Variants in WDR62 observed in about 807,000 individuals in gnomAD.
The protein encoded by WDR62 is WD repeat domain 62.
A neutral mutation model predicts 160.6 loss-of-function variants in WDR62; 112 were observed. That is an observed-to-expected ratio of 0.70 (90% CI 0.60 to 0.82). WDR62 has a LOEUF of 0.82. WDR62 is among the 40% of genes least tolerant of loss of function. The pLI is 0.00. For missense variants in WDR62, 1,819 were observed against 1,983.8 expected, an observed-to-expected ratio of 0.92 and a Z score of 1.58; for synonymous variants, 792 against 815.1, an observed-to-expected ratio of 0.97 and a Z score of 0.48.
chr19:36,066,848 A>G (rs1289495392), intron 5 of WDR62, among the ~76,000 whole-genome samples: 1 of 152,190 alleles, frequency 6.6e-6, no homozygotes, highest in Non-Finnish European at 1.5e-5. Context: ...CCTTGAGCAC[A>G]TGACATCTCC....
At chr19:36,096,104 T>C (rs918273104) in intron 20 of WDR62, among the ~76,000 whole-genome samples, 4 of 152,216 alleles carry the variant, frequency 2.6e-5, no homozygotes, top group Non-Finnish European at 5.9e-5. Context: ...AAAGTTGTTT[T>C]ATTATTTTAT....
intron 9 of WDR62, 56 bp downstream of exon 9, chr19:36,073,587 G>C: frequency 7.1e-6 from 10 of 1,403,694 alleles, no homozygotes; most frequent in Non-Finnish European, 9.8e-6. Context: ...GTTCCCCACA[G>C]TTTGGGAACC....
At chr19:36,059,828 A>T in intron 2 of WDR62, 140 bp from the exon 3 acceptor site, 2 of 846,396 alleles carry the variant, frequency 2.4e-6, no homozygotes, top group Non-Finnish European at 4.1e-6. Flanking sequence ...CAGCGTAAAC[A>T]CCTGGAGGAG....
the WDR62 span, among the ~76,000 whole-genome samples, chr19:36,110,457 G>C: frequency 6.6e-6 from 1 of 152,028 alleles, no homozygotes; most frequent in Non-Finnish European, 1.5e-5. Context: ...GGCAACAAGA[G>C]TGAAACTCCG....
At chr19:36,078,262 C>A (rs749292347) in intron 9 of WDR62, among the ~76,000 whole-genome samples, 3 of 151,534 alleles carry the variant, frequency 2.0e-5, no homozygotes, top group Non-Finnish European at 3.0e-5. Context: ...ATTCTTCTGC[C>A]TCAGACTCCT....
In WDR62 at chr19:36,071,552, A is replaced by G; in HGVS notation, c.883-4A>G. The G allele has an allele frequency of 6.2e-7, 1 of 1,614,210 alleles. No homozygotes were observed. Among genetic ancestry groups the G allele is most frequent in the Non-Finnish European group, 8.5e-7 (1 of 1,180,030 alleles). On this transcript the variant is annotated splice_region_variant and splice_polypyrimidine_tract_variant and intron_variant, in intron 7 of 31. Transcript: ENST00000401500. ...ATCCACTGGGGTCCCTTTTGCCCCT[A>G]CAGGTCTCCCTGTCTTCCTGCCTCT... is the stretch of plus-strand genomic sequence containing the variant.
chr19:36,059,806 C>T (rs1437056021), intron 2 of WDR62, among the ~76,000 whole-genome samples, 162 bp from the exon 3 acceptor site: 1 of 152,148 alleles, frequency 6.6e-6, no homozygotes, highest in Non-Finnish European at 1.5e-5. Flanking sequence ...TGTTAAAGTG[C>T]CCTAGAATTC....
intron 24 of WDR62, 96 bp from the exon 25 acceptor site, chr19:36,101,568 C>T (rs1973338168): frequency 1.0e-6 from 1 of 983,130 alleles, no homozygotes; most frequent in South Asian, 1.4e-5. Flanking sequence ...CATCCCTCCT[C>T]CAGATGGGGA....
At chr19:36,098,138 G>A (rs981468860) in intron 21 of WDR62, among the ~76,000 whole-genome samples, 3 of 152,128 alleles carry the variant, frequency 2.0e-5, no homozygotes, top group African/African-American at 7.2e-5. Flanking sequence ...GCATGGTGGT[G>A]CACACCCATA....
intron 5 of WDR62, 91 bp from the exon 6 acceptor site, chr19:36,067,215 G>T: frequency 6.4e-7 from 1 of 1,567,398 alleles, no homozygotes; most frequent in South Asian, 1.1e-5. Context: ...TTGGAGTGGG[G>T]ACGAGCAGGG....
chr19:36,104,443 G>C, intron 30 of WDR62, 75 bp from the exon 31 acceptor site: 1 of 1,575,272 alleles, frequency 6.3e-7, no homozygotes, highest in Non-Finnish European at 8.6e-7. Context: ...ACAGCATGGA[G>C]TCCACCCAGT....
In WDR62 at chr19:36,102,042, G is replaced by C. The variant is rs745433508; in HGVS notation, c.3111G>C (p.Leu1037=). The part of the protein sequence containing the change: ...PGCAGPTEDE[L]SLPEGPSVPS... The stretch of plus-strand genomic sequence containing the variant: ...GCGCAGGTCCCACAGAAGATGAGCT[G>C]TCCCTGCCCGAGGGACCCAGCGTCC... Residue 1037 remains leucine, a synonymous_variant, in exon 26 of 32, where the codon CTG becomes CTC. Transcript: ENST00000401500. 31 of 1,614,032 alleles carry C rather than the reference G, an allele frequency of 1.9e-5. No homozygotes were observed. The highest frequency in any genetic ancestry group is 2.5e-5 in the Non-Finnish European group (29 of 1,180,026).
At chr19:36,086,539 C>A in intron 12 of WDR62, 148 bp from the exon 13 acceptor site, 1 of 968,376 alleles carries the variant, frequency 1.0e-6, no homozygotes, top group South Asian at 1.4e-5. Context: ...AAGGGAGTGG[C>A]CCTTGCCAGG....
At chr19:36,106,638 G>T (rs1428820026), downstream of WDR62, among the ~76,000 whole-genome samples, 1 of 152,196 alleles carries the variant, frequency 6.6e-6, no homozygotes, top group Non-Finnish European at 1.5e-5. Context: ...CAGTGCACAG[G>T]CCTGGGGCAG....
intron 4 of WDR62, 46 bp downstream of exon 4, chr19:36,066,061 T>C: frequency 6.2e-7 from 1 of 1,606,734 alleles, no homozygotes; most frequent in Non-Finnish European, 8.5e-7. Context: ...CTGGGGGGTC[T>C]TGGAAGCCAT....
chr19:36,074,834 AG>A (rs1292714205), intron 9 of WDR62, among the ~76,000 whole-genome samples: 9 of 152,208 alleles, frequency 5.9e-5, no homozygotes, highest in Non-Finnish European at 8.8e-5. Context: ...ATAAGGCTAC[AG>A]TCCACATTGA....
At chr19:36,087,543 G>A (rs777148158) in intron 13 of WDR62, among the ~76,000 whole-genome samples, 6 of 151,324 alleles carry the variant, frequency 4.0e-5, no homozygotes, top group Admixed American at 2.6e-4. Context: ...TAGGCCGGGC[G>A]TGGTGGCTCA....
At chr19:36,059,171 T>C in intron 2 of WDR62, 1 of 539,286 alleles carries the variant, frequency 1.9e-6, no homozygotes. Flanking sequence ...TGGATTTGTG[T>C]CCCAGCTCTG....
intron 25 of WDR62, 31 bp downstream of exon 25, chr19:36,101,805 G>A (rs746974519): frequency 1.5e-5 from 23 of 1,535,374 alleles, no homozygotes; most frequent in South Asian, 8.3e-5. Flanking sequence ...CAGGGGACTC[G>A]CTGCTCGGGC....
Sources: allele counts gnomAD v4.1 joint callset (sites outside exome capture counted in the v4.1 genomes callset), GRCh38; gene constraint gnomAD v4.1.1; transcripts MANE v1.5; gene names NCBI Gene and HGNC (gene_info 2026-07-23, HGNC 2026-07-21).